Variants in BEND6 observed in about 807,000 individuals in gnomAD.
The protein encoded by BEND6 is BEN domain-containing protein 6.
In BEND6, 24 loss-of-function variants were observed where a neutral mutation model predicts 31.8. That is an observed-to-expected ratio of 0.75 (90% confidence interval 0.55 to 1.06). The LOEUF (loss-of-function observed/expected upper bound fraction) is 1.06, where lower values mean the gene tolerates loss of function less well. BEND6 is among the 50% of genes least tolerant of loss of function. The pLI, the probability that BEND6 is intolerant of heterozygous loss-of-function variation, is 0.00. For synonymous variants in BEND6, 109 were observed against 114.6 expected, an observed-to-expected ratio of 0.95 and a Z score of 0.31; for missense variants, 294 against 327.4, an observed-to-expected ratio of 0.90 and a Z score of 0.79.
chr6:56,995,556 C>T (rs962329088), intron 3 of BEND6, among the ~76,000 whole-genome samples: 5 of 152,172 alleles, frequency 3.3e-5, no homozygotes, highest in Non-Finnish European at 7.3e-5. Flanking sequence ...GGGCCATACT[C>T]CCCCTGCAGG....
intron 2 of BEND6, 74 bp downstream of exon 2, chr6:56,982,004 A>T (rs34409856): frequency 0.017 from 23,978 of 1,425,262 alleles, 236 homozygotes; most frequent in Non-Finnish European, 0.021. Context: ...TTCATAATTT[A>T]TTAGTGCTTC....
chr6:56,966,258 C>T (rs935674115), intron 1 of BEND6, among the ~76,000 whole-genome samples: 5 of 152,124 alleles, frequency 3.3e-5, no homozygotes, highest in African/African-American at 9.7e-5. Context: ...CTTGCCACCA[C>T]GCCTGGCTAG....
At chr6:57,017,610 A>G (rs1467762820) in intron 5 of BEND6, among the ~76,000 whole-genome samples, 2 of 152,232 alleles carry the variant, frequency 1.3e-5, no homozygotes, top group African/African-American at 4.8e-5. Context: ...ACTAAGTTTT[A>G]TATCACCAAA....
chr6:56,984,089 C>T (rs964361625), intron 2 of BEND6, among the ~76,000 whole-genome samples: 3 of 152,036 alleles, frequency 2.0e-5, no homozygotes, highest in East Asian at 1.9e-4. Flanking sequence ...GGTGCAACTG[C>T]TTACACCTGT....
intron 2 of BEND6, among the ~76,000 whole-genome samples, chr6:56,989,956 A>C (rs897218976): frequency 6.6e-6 from 1 of 152,196 alleles, no homozygotes; most frequent in African/African-American, 2.4e-5. Flanking sequence ...TTTATGCCTA[A>C]GAAATTCTTT....
intron 6 of BEND6, among the ~76,000 whole-genome samples, chr6:57,022,464 GTTA>G (rs1210327468): frequency 6.6e-6 from 1 of 151,646 alleles, no homozygotes; most frequent in African/African-American, 2.4e-5. Flanking sequence ...TGTGGTCTCG[GTTA>G]TTATGTATCC....
chr6:57,007,131 C>A (rs1248886591), intron 3 of BEND6, among the ~76,000 whole-genome samples: 2 of 151,972 alleles, frequency 1.3e-5, no homozygotes, highest in Non-Finnish European at 2.9e-5. Context: ...TCTACAAAAA[C>A]TGTTAAAATG....
intron 1 of BEND6, among the ~76,000 whole-genome samples, chr6:56,965,325 G>A (rs1825434865): frequency 1.3e-5 from 2 of 152,104 alleles, no homozygotes; most frequent in Admixed American, 1.3e-4. Context: ...ATGTGACTCA[G>A]CACATTAATT....
chr6:57,004,803 A>G (rs554966434), intron 3 of BEND6: 15 of 842,754 alleles, frequency 1.8e-5, no homozygotes, highest in East Asian at 7.4e-5. Flanking sequence ...TGGGTGACCA[A>G]TTAGGATTGC....
intron 1 of BEND6, among the ~76,000 whole-genome samples, chr6:56,976,213 T>G (rs1825868537): frequency 6.6e-6 from 1 of 151,356 alleles, no homozygotes; most frequent in Non-Finnish European, 1.5e-5. Flanking sequence ...TTTTTTTTTT[T>G]GAGATACAGT....
intron 1 of BEND6, among the ~76,000 whole-genome samples, chr6:56,976,494 C>A (rs146862449): frequency 6.6e-6 from 1 of 151,138 alleles, no homozygotes; most frequent in Non-Finnish European, 1.5e-5. Context: ...CATGCCCAGC[C>A]GCGTTAGTGC....
intron 1 of BEND6, among the ~76,000 whole-genome samples, chr6:56,966,891 C>G (rs571557328): frequency 6.6e-6 from 1 of 152,242 alleles, no homozygotes; most frequent in East Asian, 1.9e-4. Context: ...CAGATAAGAG[C>G]ATGCATGAAG....
chr6:56,965,325 G>GCA (rs201516637), intron 1 of BEND6, among the ~76,000 whole-genome samples: 3,369 of 152,096 alleles, frequency 0.022, 47 homozygotes, highest in Non-Finnish European at 0.033. Context: ...ATGTGACTCA[G>GCA]CACATTAATT....
chr6:56,995,781 T>C (rs1826684963), intron 3 of BEND6, among the ~76,000 whole-genome samples: 1 of 152,162 alleles, frequency 6.6e-6, no homozygotes, highest in Non-Finnish European at 1.5e-5. Context: ...TATGTCCAAA[T>C]AAGGTCACAT....
At chr6:56,999,205 T>C (rs1482682393) in intron 3 of BEND6, among the ~76,000 whole-genome samples, 1 of 152,128 alleles carries the variant, frequency 6.6e-6, no homozygotes, top group Non-Finnish European at 1.5e-5. Flanking sequence ...CACTTGCTCA[T>C]GTGGATCAGG....
At chr6:57,017,849 A>C (rs188131971) in intron 5 of BEND6, among the ~76,000 whole-genome samples, 182 of 152,336 alleles carry the variant, frequency 1.2e-3, no homozygotes, top group African/African-American at 4.3e-3. Flanking sequence ...GACAAATGTA[A>C]GGATTCTCTG....
At chr6:56,975,397 A>G (rs1182431568) in intron 1 of BEND6, among the ~76,000 whole-genome samples, 2 of 152,244 alleles carry the variant, frequency 1.3e-5, no homozygotes, top group Non-Finnish European at 2.9e-5. Flanking sequence ...CAGCAGGGAA[A>G]AAAAATACTG....
At chr6:56,960,447 G>A (rs1825249303) in intron 1 of BEND6, among the ~76,000 whole-genome samples, 1 of 152,016 alleles carries the variant, frequency 6.6e-6, no homozygotes, top group South Asian at 2.1e-4. Flanking sequence ...AAAAAAGTAA[G>A]GTAGGAGCTT....
chr6:56,987,241 A>G (rs1826316187), intron 2 of BEND6, among the ~76,000 whole-genome samples: 1 of 151,856 alleles, frequency 6.6e-6, no homozygotes, highest in Non-Finnish European at 1.5e-5. Context: ...CCGCCTCCCA[A>G]AGTACTGGGA....
Sources: gnomAD v4.1 joint callset for allele counts (sites outside exome capture counted in the v4.1 genomes callset) on GRCh38, gnomAD v4.1.1 for gene constraint, MANE v1.5 for transcripts, NCBI Gene and HGNC (gene_info 2026-07-23, HGNC 2026-07-21) for gene names.